THSD7A: variants seen among roughly 807,000 people sequenced by gnomAD.
THSD7A encodes the protein thrombospondin type 1 domain containing 7A.
Under a neutral mutation model 231.3 loss-of-function variants are expected in THSD7A, and 96 were observed. The observed-to-expected ratio is 0.41, with a 90% confidence interval of 0.35 to 0.49. THSD7A has a LOEUF of 0.49. Ranked by LOEUF, THSD7A falls within the 20% of genes least tolerant of loss-of-function variation. THSD7A has a pLI of 0.05. For missense variants in THSD7A, 2,290 were observed against 2,070.2 expected, an observed-to-expected ratio of 1.11 and a Z score of -2.06; for synonymous variants, 940 against 743.3, an observed-to-expected ratio of 1.26 and a Z score of -4.30.
chr7:11,392,473 G>T (rs1008736018), intron 23 of THSD7A, among the ~76,000 whole-genome samples: 1 of 152,168 alleles, frequency 6.6e-6, no homozygotes, highest in Non-Finnish European at 1.5e-5. Flanking sequence ...CAGACACTGA[G>T]CTAGTTGCAA....
chr7:11,707,276 G>T (rs1159921858), intron 1 of THSD7A, among the ~76,000 whole-genome samples: 2 of 150,808 alleles, frequency 1.3e-5, no homozygotes, highest in Admixed American at 1.3e-4. Context: ...AGTCACAGTG[G>T]GAAGGTAATC....
At chr7:11,734,594 T>A (rs1781844321) in intron 1 of THSD7A, among the ~76,000 whole-genome samples, 1 of 151,980 alleles carries the variant, frequency 6.6e-6, no homozygotes, top group African/African-American at 2.4e-5. Flanking sequence ...ACATGTCGTA[T>A]CTCGCTCTCT....
At chr7:11,697,933 T>A (rs73294571) in intron 1 of THSD7A, among the ~76,000 whole-genome samples, 2,375 of 151,514 alleles carry the variant, frequency 0.016, 63 homozygotes, top group African/African-American at 0.055. Flanking sequence ...TTTAATAAAC[T>A]GCTCAAGTGA....
rs1219399367 is a variant in THSD7A at position 11,831,948 on chromosome 7, C to T, written c.-2G>A. The T allele has an allele frequency of 3.2e-6, 4 of 1,231,550 alleles. No individual in the cohort carries two copies. The highest frequency in any genetic ancestry group is 8.6e-5 in the Admixed American group (2 of 23,388). The allele number at this position is 1,231,550 out of a possible 1,614,324, so 76.3% of individuals were successfully genotyped here. On this transcript the variant is annotated 5_prime_UTR_variant, in exon 1 of 28. Coordinates refer to ENST00000423059, the MANE Select transcript of THSD7A (RefSeq NM_015204.3). This position sits in a 1 kb window ranked among gnomAD's most constrained non-coding sequence, Gnocchi z 5.0. Reference sequence around the variant, plus strand: ...CCAGCGCCTGGCTTGCAGCCCCATGCCGCCTGCAGCCACTCCAGGGTCCAG... The same window carrying T: ...CCAGCGCCTGGCTTGCAGCCCCATGTCGCCTGCAGCCACTCCAGGGTCCAG...
chr7:11,477,320 G>T (rs1786233373), intron 7 of THSD7A, among the ~76,000 whole-genome samples: 1 of 152,074 alleles, frequency 6.6e-6, no homozygotes, highest in South Asian at 2.1e-4. Context: ...GTTTCCTCAT[G>T]ACTAGATTCT....
In THSD7A at chr7:11,406,351, C is replaced by T. The variant is rs1378438429; in HGVS notation, c.4186G>A (p.Asp1396Asn). ...TCCAGAACCATATTTTTATTACCAT[C>T]TATAATGAGTTCAATGTCAGCACAG... is the stretch of plus-strand genomic sequence containing the variant. The part of the protein sequence containing the change: ...EFCADIELII[D>N]GNKNMVLEES... The change falls in exon 22 of 28, where the codon GAT (aspartate) becomes AAT (asparagine). Residue 1396 changes from aspartate to asparagine, a missense_variant. Transcript: ENST00000423059. This position sits in a 1 kb window ranked among gnomAD's most constrained non-coding sequence, Gnocchi z 4.7. The T allele has an allele frequency of 2.5e-6, 4 of 1,613,738 alleles. No homozygotes were observed. The highest frequency in any genetic ancestry group is 2.7e-5 in the African/African-American group (2 of 74,924).
chr7:11,422,169 G>A (rs1283498760), intron 16 of THSD7A, among the ~76,000 whole-genome samples: 3 of 149,948 alleles, frequency 2.0e-5, no homozygotes, highest in Non-Finnish European at 4.4e-5. Flanking sequence ...CAATAACTAA[G>A]TCTGTCTGTT....
chr7:11,527,571 A>G (rs909491304), intron 6 of THSD7A, among the ~76,000 whole-genome samples: 2 of 152,196 alleles, frequency 1.3e-5, no homozygotes, highest in Non-Finnish European at 2.9e-5. Context: ...CTCTATCAAG[A>G]AATCTTCCAT....
chr7:11,815,575 C>T (rs573065301), intron 1 of THSD7A, among the ~76,000 whole-genome samples: 13 of 152,200 alleles, frequency 8.5e-5, no homozygotes, highest in African/African-American at 2.2e-4. Flanking sequence ...AAGGATGCTA[C>T]GCTATTGAAG....
At chr7:11,579,891 G>A (rs1791082630) in intron 4 of THSD7A, among the ~76,000 whole-genome samples, 1 of 152,154 alleles carries the variant, frequency 6.6e-6, no homozygotes, top group Non-Finnish European at 1.5e-5. Flanking sequence ...TCATCTTAAA[G>A]TAGTCATTCT....
intron 1 of THSD7A, among the ~76,000 whole-genome samples, chr7:11,717,038 A>G (rs1340547052): frequency 6.6e-6 from 1 of 151,630 alleles, no homozygotes; most frequent in Non-Finnish European, 1.5e-5. Flanking sequence ...CTTCCCCAAG[A>G]GTTCCATTTG....
chr7:11,823,168 T>C (rs1187108072), intron 1 of THSD7A, among the ~76,000 whole-genome samples: 1 of 152,090 alleles, frequency 6.6e-6, no homozygotes, highest in Non-Finnish European at 1.5e-5. Context: ...TTCTTCTGCA[T>C]ATGGAAGTTC....
chr7:11,718,708 A>G (rs1242874646), intron 1 of THSD7A, among the ~76,000 whole-genome samples: 1 of 151,674 alleles, frequency 6.6e-6, no homozygotes, highest in Non-Finnish European at 1.5e-5. Flanking sequence ...ATAAGACATA[A>G]TTATAAAATC....
chr7:11,503,071 G>C (rs112898824), intron 6 of THSD7A, among the ~76,000 whole-genome samples: 4 of 152,214 alleles, frequency 2.6e-5, no homozygotes, highest in Admixed American at 6.5e-5. Context: ...ATACTACAAG[G>C]CTTCAGTGAC....
intron 1 of THSD7A, among the ~76,000 whole-genome samples, chr7:11,695,781 CT>C (rs970374269): frequency 3.3e-5 from 5 of 151,556 alleles, no homozygotes; most frequent in African/African-American, 1.2e-4. Flanking sequence ...TGGGCTTCAT[CT>C]TGAATATGGT....
intron 1 of THSD7A, among the ~76,000 whole-genome samples, chr7:11,656,406 C>T (rs975293982): frequency 4.6e-5 from 7 of 151,776 alleles, no homozygotes; most frequent in Admixed American, 3.3e-4. Context: ...TAAGGTACAA[C>T]GGTCATAGGG....
chr7:11,588,763 C>T (rs1260616182), intron 4 of THSD7A, among the ~76,000 whole-genome samples: 3 of 152,090 alleles, frequency 2.0e-5, no homozygotes, highest in Admixed American at 6.5e-5. Flanking sequence ...ATTATACTAC[C>T]CTGGAAAGAC....
At chr7:11,686,675 T>C (rs1780065122) in intron 1 of THSD7A, among the ~76,000 whole-genome samples, 1 of 151,870 alleles carries the variant, frequency 6.6e-6, no homozygotes, top group Non-Finnish European at 1.5e-5. Context: ...AATCATCTTC[T>C]TTGCAGCAAC....
At chr7:11,784,887 C>G (rs1353513863) in intron 1 of THSD7A, among the ~76,000 whole-genome samples, 3 of 151,946 alleles carry the variant, frequency 2.0e-5, no homozygotes, top group Non-Finnish European at 4.4e-5. Flanking sequence ...TGCCAAGTAC[C>G]CTAAGGGATC....
Sources: allele counts gnomAD v4.1 joint callset (sites outside exome capture counted in the v4.1 genomes callset), GRCh38; gene constraint gnomAD v4.1.1; non-coding constraint Gnocchi (gnomAD v3.1); transcripts MANE v1.5; gene names NCBI Gene and HGNC (gene_info 2026-07-23, HGNC 2026-07-21).